Variants in ABCB11 observed in about 807,000 individuals in gnomAD.
ABCB11 encodes bile salt export pump.
ABCB11 carries 95 observed loss-of-function variants against 148.0 expected under a neutral mutation model. The observed-to-expected ratio is 0.64, with a 90% CI of 0.54 to 0.76. The LOEUF is 0.76. ABCB11 is among the 30% of genes least tolerant of loss of function. The probability of loss-of-function intolerance (pLI) is 0.00; values close to 1 mark genes in which losing one functional copy is unlikely to be tolerated. For synonymous variants in ABCB11, 591 were observed against 555.4 expected (o/e 1.06, Z -0.90); for missense variants, 1,523 against 1,617.8 (o/e 0.94, Z 1.01).
At chr2:168,923,865 G>C (rs768651974) in intron 27 of ABCB11, 43 bp from the exon 28 acceptor site, 2 of 1,584,868 alleles carry the variant, frequency 1.3e-6, no homozygotes, top group South Asian at 2.2e-5. Flanking sequence ...ATGCATGATT[G>C]CTCCCCAGCC....
At position 168,990,659 on chromosome 2, in the gene ABCB11, T is replaced by A. The variant is rs1694483654; in HGVS notation, c.908+142A>T. On this transcript the variant is annotated intron_variant, in intron 9 of 27. Coordinates refer to ENST00000650372, the MANE Select transcript of ABCB11 (RefSeq NM_003742.4). Reference sequence around the variant, plus strand: ...TACCTAAATTACCAACCTAAATTACTCTGCTTAGCTCCCTCTTGAACAAGT... The same window carrying A: ...TACCTAAATTACCAACCTAAATTACACTGCTTAGCTCCCTCTTGAACAAGT... 7 of 992,172 alleles carry A rather than the reference T, an allele frequency of 7.1e-6. No individual in the cohort carries two copies. In the Admixed American group the frequency reaches 1.1e-4, roughly 16 times the overall value. 61.5% of individuals were successfully genotyped at this position (992,172 alleles called of 1,614,324 possible). A position where few individuals can be genotyped will look rare whatever the true frequency, so the allele number is the denominator to read the frequency against.
intron 23 of ABCB11, 30 bp downstream of exon 23, chr2:168,935,154 C>A: frequency 1.2e-6 from 2 of 1,611,816 alleles, no homozygotes; most frequent in Non-Finnish European, 1.7e-6. Context: ...GTGTGTTGAT[C>A]TTTTCTCACC....
chr2:168,940,363 AAC>A (rs965591461), intron 21 of ABCB11, among the ~76,000 whole-genome samples: 43 of 152,262 alleles, frequency 2.8e-4, no homozygotes, highest in Non-Finnish European at 5.6e-4. Context: ...AAGTGAAGTG[AAC>A]CAGCTTTATT....
At chr2:169,015,762 CATTTG>C (rs1276642565) in intron 3 of ABCB11, among the ~76,000 whole-genome samples, 2 of 152,120 alleles carry the variant, frequency 1.3e-5, no homozygotes, top group Non-Finnish European at 1.5e-5. Flanking sequence ...CCATGCTATA[CATTTG>C]ATTTATTTAC....
At chr2:169,010,004 T>A (rs1477887352) in intron 5 of ABCB11, among the ~76,000 whole-genome samples, 2 of 152,184 alleles carry the variant, frequency 1.3e-5, no homozygotes, top group African/African-American at 2.4e-5. Context: ...TTGATTTATC[T>A]GTATGAGAGG....
intron 1 of ABCB11, among the ~76,000 whole-genome samples, chr2:169,020,191 C>T (rs1444086145): frequency 6.6e-6 from 1 of 152,068 alleles, no homozygotes; most frequent in Non-Finnish European, 1.5e-5. Flanking sequence ...TTATGACAAT[C>T]TGAGGACATT....
At chr2:168,962,001 G>T (rs1186250056) in intron 18 of ABCB11, among the ~76,000 whole-genome samples, 1 of 151,640 alleles carries the variant, frequency 6.6e-6, no homozygotes, top group Non-Finnish European at 1.5e-5. Context: ...CCAAAACAGA[G>T]CAACATTTTA....
chr2:168,954,816 T>C (rs1692721032), intron 19 of ABCB11, among the ~76,000 whole-genome samples: 1 of 151,698 alleles, frequency 6.6e-6, no homozygotes, highest in Non-Finnish European at 1.5e-5. Flanking sequence ...AAAATATGTT[T>C]TCTAAACCTT....
At chr2:169,010,092 A>G (rs141252263) in intron 5 of ABCB11, among the ~76,000 whole-genome samples, 42 of 152,304 alleles carry the variant, frequency 2.8e-4, no homozygotes, top group Non-Finnish European at 5.6e-4. Flanking sequence ...ATCTGGCAAT[A>G]TTCACACTTG....
At chr2:168,996,508 T>A in intron 6 of ABCB11, 127 bp downstream of exon 6, 1 of 457,682 alleles carries the variant, frequency 2.2e-6, no homozygotes, top group South Asian at 6.6e-5. Flanking sequence ...TTCTCTCATG[T>A]CCTCTGGAAA....
chr2:168,979,816 A>T (rs910478028), intron 11 of ABCB11, 50 bp downstream of exon 11: 1 of 822,874 alleles, frequency 1.2e-6, no homozygotes. Flanking sequence ...TCTGTGCCCC[A>T]CCCCCCAGCC....
chr2:168,937,075 T>C (rs780804899), intron 21 of ABCB11, among the ~76,000 whole-genome samples: 2 of 152,030 alleles, frequency 1.3e-5, no homozygotes, highest in Non-Finnish European at 2.9e-5. Flanking sequence ...TTAGTAGAAA[T>C]GAGGTCTCAC....
intron 11 of ABCB11, among the ~76,000 whole-genome samples, chr2:168,978,132 CTTTTTTTTTTTTTT>C (rs35964117): frequency 3.4e-4 from 18 of 53,114 alleles, no homozygotes; most frequent in African/African-American, 2.6e-4. Context: ...AATAAATTGA[CTTTTTTTTTTTTTT>C]TTTTTTTTTT....
rs562067014 is a variant in ABCB11 at position 168,959,512 on chromosome 2, G to C, written c.2179-1384C>G. ...ACCTCAGTTATTTCATCCTTAAAAC[G>C]AGAGACTTGGACTAAGTAATTCTGG... On this transcript the variant is annotated intron_variant, in intron 18 of 27. Coordinates refer to ENST00000650372, the MANE Select transcript of ABCB11 (RefSeq NM_003742.4). 3.3e-5 allele frequency among the ~76,000 whole-genome samples: 5 copies of C among 151,778 alleles called. No individual in the cohort carries two copies. In the South Asian group the frequency reaches 1.0e-3, roughly 31 times the overall value.
chr2:168,966,985 T>C (rs1378374611), intron 17 of ABCB11, among the ~76,000 whole-genome samples: 1 of 151,904 alleles, frequency 6.6e-6, no homozygotes, highest in Non-Finnish European at 1.5e-5. Flanking sequence ...ATAAACTACT[T>C]AACATGAGTA....
chr2:168,919,067 A>G (rs959581150), downstream of ABCB11, among the ~76,000 whole-genome samples: 1 of 151,966 alleles, frequency 6.6e-6, no homozygotes, highest in East Asian at 1.9e-4. Context: ...TTTAGTTTCC[A>G]TTATGAAATA....
In ABCB11 at chr2:169,014,355, C is replaced by T; in HGVS notation, c.99-1G>A. 1.9e-6 allele frequency: 3 copies of T among 1,612,696 alleles called. No individual in the cohort carries two copies. Among genetic ancestry groups the T allele is most frequent in the South Asian group, 1.1e-5 (1 of 91,022 alleles). ...ATCACCTTTCTTCTCATCTTGTAAC[C>T]TGATGAGAAAAACATAAGGATTTAA... On this transcript the variant is annotated splice_acceptor_variant, in intron 3 of 27. Transcript: ENST00000650372. LOFTEE classifies it high-confidence loss of function.
chr2:168,944,704 C>T lies in ABCB11; in HGVS notation c.2511G>A (p.Arg837=). The change falls in exon 21 of 28, where the codon AGG becomes AGA. Residue 837 remains arginine (R), a synonymous_variant. Coordinates refer to ENST00000650372, the MANE Select transcript of ABCB11 (RefSeq NM_003742.4). The part of the protein sequence containing the change: ...LTKRLRKFGF[R]AMLGQDIAWF... ...AGGCAATATCTTGCCCCAGCATTGCCCTGAAACCAAATTTACGTAGCCTTT... is the reference window on the plus strand; with the variant it reads ...AGGCAATATCTTGCCCCAGCATTGCTCTGAAACCAAATTTACGTAGCCTTT... The T allele has an allele frequency of 3.7e-6, 6 of 1,612,812 alleles. No homozygotes were observed. The highest frequency in any genetic ancestry group is 2.2e-5 in the East Asian group (1 of 44,820).
At chr2:169,008,550 A>G (rs1007703093) in intron 5 of ABCB11, among the ~76,000 whole-genome samples, 2 of 152,164 alleles carry the variant, frequency 1.3e-5, no homozygotes, top group Admixed American at 1.3e-4. Flanking sequence ...CTTTTCCCAT[A>G]CAAGGTAACA....
Sources: allele counts gnomAD v4.1 joint callset (sites outside exome capture counted in the v4.1 genomes callset), GRCh38; gene constraint gnomAD v4.1.1; transcripts MANE v1.5; gene names NCBI Gene and HGNC (gene_info 2026-07-23, HGNC 2026-07-21).